The following KANSL1L variants were observed in gnomAD, a reference collection of about 807,000 sequenced individuals.
The protein encoded by KANSL1L is KAT8 regulatory NSL complex subunit 1-like protein.
KANSL1L carries 25 observed loss-of-function variants against 108.6 expected under a neutral mutation model. The ratio of observed to expected loss-of-function variants is 0.23; its 90% CI spans 0.17 to 0.32. The LOEUF is 0.32. KANSL1L is among the 10% of genes least tolerant of loss of function. The pLI is 1.00. For synonymous variants in KANSL1L, 405 were observed against 395.1 expected, an observed-to-expected ratio of 1.03 and a Z score of -0.30; for missense variants, 1,137 against 1,125.7, an observed-to-expected ratio of 1.01 and a Z score of -0.14.
At chr2:210,097,750 G>A (rs144009979) in intron 5 of KANSL1L, 182 of 155,286 alleles carry the variant, frequency 1.2e-3, no homozygotes, top group African/African-American at 3.9e-3. Context: ...GCACTGCAAC[G>A]ACAGCATGGA....
At chr2:210,071,274 A>C (rs932550583) in intron 6 of KANSL1L, among the ~76,000 whole-genome samples, 5 of 149,980 alleles carry the variant, frequency 3.3e-5, no homozygotes, top group African/African-American at 1.2e-4. Flanking sequence ...TATTTTTTTA[A>C]TTATTTATTT....
At chr2:210,029,065 A>G in intron 10 of KANSL1L, 96 bp from the exon 11 acceptor site, 1 of 1,061,190 alleles carries the variant, frequency 9.4e-7, no homozygotes, top group Non-Finnish European at 1.4e-6. Context: ...AGTACACGTT[A>G]CATAATTTTT....
intron 3 of KANSL1L, among the ~76,000 whole-genome samples, chr2:210,125,252 C>A (rs549616641): frequency 3.9e-5 from 6 of 151,976 alleles, no homozygotes; most frequent in Admixed American, 3.3e-4. Flanking sequence ...AAAACTCCAA[C>A]TCAAAAGAAA....
At position 210,047,768 on chromosome 2, in the gene KANSL1L, A is replaced by G. The variant is rs112166504; in HGVS notation, c.1756-3664T>C. On this transcript the variant is annotated intron_variant, in intron 6 of 14. Coordinates refer to ENST00000281772, the MANE Select transcript of KANSL1L (RefSeq NM_152519.4). ...ACCATGCTTACTAATCTTTGATTCA[A>G]TGACAGATGGTATGTTTTAAAAACC... Among the ~76,000 whole-genome samples the G allele has an allele frequency of 2.1e-3, 325 of 152,252 alleles. 3 individuals carry two copies. Among genetic ancestry groups the G allele is most frequent in the Non-Finnish European group, 2.5e-3 (170 of 68,004 alleles).
At chr2:210,135,104 G>A (rs892257665) in intron 2 of KANSL1L, among the ~76,000 whole-genome samples, 3 of 152,084 alleles carry the variant, frequency 2.0e-5, no homozygotes, top group Admixed American at 1.3e-4. Context: ...ATCATATATG[G>A]CCCATTCTTT....
At chr2:210,152,257 A>G (rs977278017) in intron 2 of KANSL1L, 1 of 152,196 alleles carries the variant, frequency 6.6e-6, no homozygotes, top group Non-Finnish European at 1.5e-5. Context: ...ACAGTAATAG[A>G]TCCCCTGAAA....
chr2:210,122,353 A>G (rs2095029425), intron 3 of KANSL1L, among the ~76,000 whole-genome samples: 2 of 152,314 alleles, frequency 1.3e-5, no homozygotes, highest in Admixed American at 6.5e-5. Flanking sequence ...CCAACAAAAC[A>G]GTACGGAGAA....
intron 6 of KANSL1L, among the ~76,000 whole-genome samples, chr2:210,061,354 T>G (rs576627675): frequency 2.0e-5 from 3 of 152,306 alleles, no homozygotes; most frequent in African/African-American, 7.2e-5. Context: ...CAGGAGTTAA[T>G]CAGGGTGGCT....
intron 3 of KANSL1L, among the ~76,000 whole-genome samples, chr2:210,105,381 A>G (rs2094837280): frequency 6.8e-6 from 1 of 147,708 alleles, no homozygotes. Flanking sequence ...AAAAATATAT[A>G]TATATATATT....
chr2:210,067,900 T>C (rs777583458), intron 6 of KANSL1L, among the ~76,000 whole-genome samples: 1 of 152,044 alleles, frequency 6.6e-6, no homozygotes, highest in Non-Finnish European at 1.5e-5. Flanking sequence ...TATTTAGAGA[T>C]GGAGTCTTGC....
intron 3 of KANSL1L, among the ~76,000 whole-genome samples, chr2:210,109,639 T>G (rs2094885134): frequency 6.6e-6 from 1 of 152,152 alleles, no homozygotes; most frequent in African/African-American, 2.4e-5. Context: ...AATGCTAACA[T>G]TCTGCTGGAC....
At chr2:210,047,880 A>G (rs2094242805) in intron 6 of KANSL1L, among the ~76,000 whole-genome samples, 1 of 152,176 alleles carries the variant, frequency 6.6e-6, no homozygotes, top group African/African-American at 2.4e-5. Context: ...TTCTCTCCTT[A>G]ATCTGAGAGT....
At chr2:210,023,842 G>A (rs1184859519) in intron 14 of KANSL1L, among the ~76,000 whole-genome samples, 191 bp downstream of exon 14, 2 of 152,134 alleles carry the variant, frequency 1.3e-5, no homozygotes, top group Non-Finnish European at 2.9e-5. Flanking sequence ...TTGGAAGTTC[G>A]TATTGACTTG....
intron 5 of KANSL1L, among the ~76,000 whole-genome samples, chr2:210,094,740 A>C (rs1057008551): frequency 6.6e-6 from 1 of 152,094 alleles, no homozygotes; most frequent in African/African-American, 2.4e-5. Context: ...GTTCAATTAG[A>C]GAATATTTTA....
chr2:210,075,659 A>G lies in KANSL1L; in HGVS notation c.1648T>C (p.Ser550Pro), dbSNP rs2094536951. The stretch of plus-strand genomic sequence containing the variant: ...GTACTCATGAAAGTCAAGGATGAAG[A>G]TTTCAGTCTTGTCCTGTCTTTTCTC... ...KKRKDRTRLK[S>P]SSLTFMSTSA... Residue 550 changes from serine to proline, a missense_variant, in exon 6 of 15, where the codon TCT (serine) becomes CCT (proline). Coordinates refer to ENST00000281772, the MANE Select transcript of KANSL1L (RefSeq NM_152519.4). The G allele has an allele frequency of 3.7e-6, 6 of 1,613,758 alleles. No homozygotes were observed. The highest frequency in any genetic ancestry group is 5.1e-6 in the Non-Finnish European group (6 of 1,179,712).
intron 1 of KANSL1L, among the ~76,000 whole-genome samples, chr2:210,166,650 C>G (rs1687987399): frequency 6.6e-6 from 1 of 152,044 alleles, no homozygotes. Context: ...TAAATTTATT[C>G]TTTTAACTGG....
chr2:210,149,640 TG>T (rs1485379002), intron 2 of KANSL1L, among the ~76,000 whole-genome samples: 1 of 151,976 alleles, frequency 6.6e-6, no homozygotes, highest in African/African-American at 2.4e-5. Flanking sequence ...ATGTATTTAA[TG>T]ACCTAAGATA....
chr2:210,059,581 G>A (rs779884783), intron 6 of KANSL1L, among the ~76,000 whole-genome samples: 2 of 152,090 alleles, frequency 1.3e-5, no homozygotes, highest in African/African-American at 4.8e-5. Context: ...TTTCTCACAG[G>A]AATATGTTAT....
chr2:210,079,632 A>G (rs7423718), intron 5 of KANSL1L, among the ~76,000 whole-genome samples: 113 of 6,754 alleles, frequency 0.017, 9 homozygotes, highest in African/African-American at 0.042. Flanking sequence ...ATATATATAT[A>G]TATATATATA....
Sources: gnomAD v4.1 joint callset for allele counts (sites outside exome capture counted in the v4.1 genomes callset) on GRCh38, gnomAD v4.1.1 for gene constraint, MANE v1.5 for transcripts, NCBI Gene and HGNC (gene_info 2026-07-23, HGNC 2026-07-21) for gene names.